SLC22A15: variants seen among roughly 807,000 people sequenced by gnomAD.
The protein encoded by SLC22A15 is flipt 1.
Under a neutral mutation model 62.7 loss-of-function variants are expected in SLC22A15, and 45 were observed. The observed-to-expected ratio is 0.72, with a 90% CI of 0.56 to 0.92. The LOEUF (loss-of-function observed/expected upper bound fraction) is 0.92, where lower values mean the gene tolerates loss of function less well. Among genes scored for constraint, SLC22A15 ranks in the 40% least tolerant of loss-of-function variants. The pLI is 0.00. For missense variants in SLC22A15, 622 were observed against 665.6 expected (o/e 0.93, Z 0.72); for synonymous variants, 264 against 267.0 (o/e 0.99, Z 0.11).
chr1:115,998,529 G>A (rs1327211258), intron 2 of SLC22A15, among the ~76,000 whole-genome samples: 2 of 152,070 alleles, frequency 1.3e-5, no homozygotes, highest in African/African-American at 4.8e-5. Context: ...AGTTGTATGT[G>A]TCTAGGAATT....
At chr1:116,035,421 C>T (rs1426646656) in intron 7 of SLC22A15, 94 bp downstream of exon 7, 1 of 1,079,746 alleles carries the variant, frequency 9.3e-7, no homozygotes, top group Non-Finnish European at 1.3e-6. Context: ...ATGGTGTTGT[C>T]TTTGTATGCA....
At chr1:116,033,194 C>T (rs1657488437) in intron 6 of SLC22A15, among the ~76,000 whole-genome samples, 1 of 152,164 alleles carries the variant, frequency 6.6e-6, no homozygotes, top group Non-Finnish European at 1.5e-5. Flanking sequence ...CAAATTATAC[C>T]TCTGTGTTAA....
chr1:115,990,225 G>C (rs760492510), intron 1 of SLC22A15, among the ~76,000 whole-genome samples: 20 of 152,184 alleles, frequency 1.3e-4, no homozygotes, highest in Admixed American at 4.6e-4. Flanking sequence ...GCAGGAGAAA[G>C]TGCCTTCCAG....
In SLC22A15 at chr1:116,031,458, A is replaced by T. The variant is rs749440161; in HGVS notation, c.821A>T (p.Lys274Ile). 6.2e-7 allele frequency: 1 copy of T among 1,613,972 alleles called. No homozygotes were observed. The highest frequency in any genetic ancestry group is 8.5e-7 in the Non-Finnish European group (1 of 1,179,870). Residue 274 changes from lysine (K) to isoleucine (I), a missense_variant, in exon 6 of 12, where the codon AAA (lysine) becomes ATA (isoleucine). Coordinates refer to ENST00000369503, the MANE Select transcript of SLC22A15 (RefSeq NM_018420.3). Reference sequence around the variant, plus strand: ...TACCTCATTGCCAAGAGGAACCGCAAACTCAAGTGCACGTTCTCACTAACA... The same window carrying T: ...TACCTCATTGCCAAGAGGAACCGCATACTCAAGTGCACGTTCTCACTAACA... ...ALYLIAKRNR[K>I]LKCTFSLTHP...
intron 1 of SLC22A15, among the ~76,000 whole-genome samples, chr1:115,988,634 C>T (rs994337421): frequency 6.6e-6 from 1 of 152,070 alleles, no homozygotes; most frequent in African/African-American, 2.4e-5. Flanking sequence ...AGTTCTTCTG[C>T]CTCAGCCTCC....
intron 1 of SLC22A15, among the ~76,000 whole-genome samples, chr1:115,991,678 T>C (rs766564270): frequency 6.6e-5 from 10 of 152,248 alleles, no homozygotes; most frequent in Non-Finnish European, 1.2e-4. Flanking sequence ...GCTGGAATGT[T>C]ACTCTTTTAA....
chr1:116,031,812 G>T, intron 6 of SLC22A15: 6 of 1,390,582 alleles, frequency 4.3e-6, no homozygotes, highest in Non-Finnish European at 5.6e-6. Context: ...CTGAGCTTGA[G>T]TAAGTAGACA....
At chr1:115,995,266 C>T (rs770396044) in intron 2 of SLC22A15, among the ~76,000 whole-genome samples, 13 of 152,144 alleles carry the variant, frequency 8.5e-5, no homozygotes, top group Middle Eastern at 3.4e-3. Flanking sequence ...TCTTTCATTT[C>T]GAGGAATAGA....
intron 8 of SLC22A15, among the ~76,000 whole-genome samples, chr1:116,058,434 A>G (rs918986177): frequency 3.9e-5 from 6 of 152,212 alleles, no homozygotes; most frequent in Non-Finnish European, 5.9e-5. Flanking sequence ...TACTCCTGCA[A>G]GACTGGCCAT....
chr1:115,995,525 A>C (rs1655379417), intron 2 of SLC22A15, among the ~76,000 whole-genome samples: 1 of 152,162 alleles, frequency 6.6e-6, no homozygotes, highest in South Asian at 2.1e-4. Flanking sequence ...TGCTGGGATT[A>C]TAGGTGTGAG....
At chr1:116,013,515 C>T (rs77095420) in intron 2 of SLC22A15, among the ~76,000 whole-genome samples, 3,682 of 152,026 alleles carry the variant, frequency 0.024, 154 homozygotes, top group African/African-American at 0.085. Context: ...CGTGAAAGTT[C>T]GTTGGTTATT....
chr1:116,009,917 A>G (rs1656168964), intron 2 of SLC22A15, among the ~76,000 whole-genome samples: 1 of 152,248 alleles, frequency 6.6e-6, no homozygotes, highest in Non-Finnish European at 1.5e-5. Flanking sequence ...TCTATAGTTT[A>G]AAGATACTGT....
chr1:116,042,712 C>A (rs948239454), intron 8 of SLC22A15, among the ~76,000 whole-genome samples: 5 of 152,112 alleles, frequency 3.3e-5, no homozygotes, highest in African/African-American at 7.2e-5. Context: ...CAAAAACATA[C>A]AGAATTGAAA....
chr1:116,064,496 C>A lies in SLC22A15; in HGVS notation c.1353C>A (p.Phe451Leu). 6.2e-7 allele frequency: 1 copy of A among 1,611,806 alleles called. No homozygotes were observed. Among genetic ancestry groups the A allele is most frequent in the Non-Finnish European group, 8.5e-7 (1 of 1,177,968 alleles). The change falls in exon 10 of 12, where the codon TTC (phenylalanine) becomes TTA (leucine). Residue 451 changes from phenylalanine to leucine, a missense_variant. Transcript: ENST00000369503. ...GAGTTGGTGGGATTATTGCTCCCTTCATCCCCTCACTGGTTGGTTTGTACC... is the reference window on the plus strand; with the variant it reads ...GAGTTGGTGGGATTATTGCTCCCTTAATCCCCTCACTGGTTGGTTTGTACC... ...FSRVGGIIAP[F>L]IPSLKYVQWS... is the part of the protein sequence containing the mutation.
rs1553227035 is a variant in SLC22A15, at chr1:116,066,525, T to C, written c.1371T>C (p.Tyr457=). The C allele has an allele frequency of 3.0e-5, 48 of 1,592,802 alleles. No homozygotes were observed. The highest frequency in any genetic ancestry group is 4.1e-5 in the Non-Finnish European group (48 of 1,168,692). Residue 457 remains tyrosine, a synonymous_variant, in exon 11 of 12, where the codon TAT becomes TAC. Coordinates refer to ENST00000369503, the MANE Select transcript of SLC22A15 (RefSeq NM_018420.3). ...IIAPFIPSLK[Y]VQWSLPFIVF... ...TCCACTCCCCGCCTCTGCAGAAATATGTGCAATGGTCTTTACCATTCATTG... is the reference window on the plus strand; with the variant it reads ...TCCACTCCCCGCCTCTGCAGAAATACGTGCAATGGTCTTTACCATTCATTG...
intron 8 of SLC22A15, among the ~76,000 whole-genome samples, chr1:116,051,364 G>A (rs1004257714): frequency 6.6e-6 from 1 of 152,140 alleles, no homozygotes; most frequent in African/African-American, 2.4e-5. Flanking sequence ...ATAAAAATAG[G>A]CATATAGACC....
intron 2 of SLC22A15, chr1:116,015,123 G>A (rs1557886985): frequency 1.3e-5 from 2 of 152,186 alleles, no homozygotes; most frequent in South Asian, 2.1e-4. Flanking sequence ...TATCTCACAT[G>A]TTGGGAGATG....
At chr1:115,992,477 TACAA>T (rs1227975616) in intron 2 of SLC22A15, among the ~76,000 whole-genome samples, 2 of 152,310 alleles carry the variant, frequency 1.3e-5, no homozygotes, top group African/African-American at 4.8e-5. Context: ...GATGAAAAGA[TACAA>T]ACTCCAAAAG....
chr1:116,057,315 A>G (rs1199161603), intron 8 of SLC22A15, among the ~76,000 whole-genome samples: 5 of 152,074 alleles, frequency 3.3e-5, no homozygotes, highest in Admixed American at 6.5e-5. Context: ...AATGCTCATC[A>G]TCACTCGCCA....
Sources: allele counts gnomAD v4.1 joint callset (sites outside exome capture counted in the v4.1 genomes callset), GRCh38; gene constraint gnomAD v4.1.1; transcripts MANE v1.5; gene names NCBI Gene and HGNC (gene_info 2026-07-23, HGNC 2026-07-21).